Variants in IMMP2L observed in about 807,000 individuals in gnomAD.
IMMP2L encodes mitochondrial inner membrane protease subunit 2.
Under a neutral mutation model 19.3 loss-of-function variants are expected in IMMP2L, and 18 were observed. The ratio of observed to expected loss-of-function variants is 0.93; its 90% confidence interval spans 0.64 to 1.38. IMMP2L has a LOEUF of 1.38. IMMP2L is among the 40% of genes most tolerant of loss of function. The probability of loss-of-function intolerance (pLI) is 0.00; values close to 1 mark genes in which losing one functional copy is unlikely to be tolerated. For synonymous variants in IMMP2L, 76 were observed against 73.0 expected, an observed-to-expected ratio of 1.04 and a Z score of -0.21; for missense variants, 233 against 218.2, an observed-to-expected ratio of 1.07 and a Z score of -0.43.
intron 3 of IMMP2L, among the ~76,000 whole-genome samples, chr7:111,467,304 C>T (rs1178897943): frequency 1.3e-5 from 2 of 152,118 alleles, no homozygotes; most frequent in African/African-American, 2.4e-5. Context: ...GTATTTAGAA[C>T]AATTCCTGAC....
intron 3 of IMMP2L, among the ~76,000 whole-genome samples, chr7:111,316,285 T>C (rs1271367822): frequency 3.3e-5 from 5 of 151,964 alleles, no homozygotes. Context: ...GGATGTTAGA[T>C]GTATTCAAAG....
intron 3 of IMMP2L, among the ~76,000 whole-genome samples, chr7:111,461,729 T>C (rs777856185): frequency 5.9e-5 from 9 of 152,088 alleles, no homozygotes; most frequent in Non-Finnish European, 7.4e-5. Context: ...TGTAGAATAA[T>C]AGTTGGATAA....
intron 3 of IMMP2L, among the ~76,000 whole-genome samples, chr7:111,234,747 G>A (rs1300374335): frequency 6.6e-6 from 1 of 151,776 alleles, no homozygotes; most frequent in Non-Finnish European, 1.5e-5. Flanking sequence ...TTTAGTGGTT[G>A]GTTCACAGTT....
intron 3 of IMMP2L, among the ~76,000 whole-genome samples, chr7:111,385,356 G>C (rs1459297969): frequency 6.6e-6 from 1 of 152,120 alleles, no homozygotes; most frequent in Non-Finnish European, 1.5e-5. Context: ...AAAAGATGCT[G>C]ACATTCAGGA....
At chr7:111,020,946 T>A (rs1826214147) in intron 3 of IMMP2L, among the ~76,000 whole-genome samples, 1 of 152,228 alleles carries the variant, frequency 6.6e-6, no homozygotes, top group Non-Finnish European at 1.5e-5. Context: ...CATGAGGTAT[T>A]TCTTAAATTC....
At chr7:111,177,351 A>T (rs1252929964) in intron 3 of IMMP2L, among the ~76,000 whole-genome samples, 4 of 151,838 alleles carry the variant, frequency 2.6e-5, no homozygotes, top group Non-Finnish European at 4.4e-5. Context: ...CTAATTTTTT[A>T]AATTTTTTCT....
intron 3 of IMMP2L, chr7:111,100,104 T>C (rs959744568): frequency 7.3e-5 from 11 of 151,668 alleles, no homozygotes; most frequent in African/African-American, 2.7e-4. Flanking sequence ...AAGCCCATGT[T>C]ATGGTGTCTT....
intron 3 of IMMP2L, among the ~76,000 whole-genome samples, chr7:111,159,141 A>G (rs1256189886): frequency 6.6e-6 from 1 of 152,120 alleles, no homozygotes; most frequent in Non-Finnish European, 1.5e-5. Flanking sequence ...TTAGAGACGG[A>G]GTCTCGCTCT....
intron 2 of IMMP2L, among the ~76,000 whole-genome samples, chr7:111,516,565 C>A (rs541995779): frequency 6.6e-6 from 1 of 152,026 alleles, no homozygotes; most frequent in South Asian, 2.1e-4. Context: ...ACAGATATAA[C>A]CCTGGCTATA....
chr7:111,228,832 T>G (rs1813392440), intron 3 of IMMP2L, among the ~76,000 whole-genome samples: 1 of 152,012 alleles, frequency 6.6e-6, no homozygotes, highest in Non-Finnish European at 1.5e-5. Context: ...GTGAAAGGTA[T>G]TTTACAATGT....
intron 3 of IMMP2L, among the ~76,000 whole-genome samples, chr7:111,260,206 T>C (rs1038515753): frequency 6.6e-6 from 1 of 152,136 alleles, no homozygotes; most frequent in East Asian, 1.9e-4. Flanking sequence ...GGCTAGACTT[T>C]TATACAACTG....
At chr7:111,267,162 G>C (rs1314804391) in intron 3 of IMMP2L, among the ~76,000 whole-genome samples, 2 of 151,828 alleles carry the variant, frequency 1.3e-5, no homozygotes, top group African/African-American at 4.8e-5. Context: ...AATTTTTATA[G>C]AAACTTACCA....
chr7:110,754,096 C>G (rs938764637), intron 5 of IMMP2L, among the ~76,000 whole-genome samples: 2 of 151,916 alleles, frequency 1.3e-5, no homozygotes, highest in African/African-American at 2.4e-5. Context: ...CAAGATTATA[C>G]ATTTCCATCA....
At chr7:111,221,004 C>T (rs1680623735) in intron 3 of IMMP2L, among the ~76,000 whole-genome samples, 1 of 152,042 alleles carries the variant, frequency 6.6e-6, no homozygotes, top group Admixed American at 6.6e-5. Flanking sequence ...ATTTTAAACG[C>T]TAATCTCTTC....
intron 3 of IMMP2L, among the ~76,000 whole-genome samples, chr7:111,333,794 C>A (rs1006164776): frequency 2.0e-5 from 3 of 152,126 alleles, no homozygotes; most frequent in Non-Finnish European, 2.9e-5. Flanking sequence ...GAACATTGGA[C>A]TCCAAGTTCT....
At chr7:111,302,580 A>G (rs1822387477) in intron 3 of IMMP2L, among the ~76,000 whole-genome samples, 2 of 152,238 alleles carry the variant, frequency 1.3e-5, no homozygotes, top group East Asian at 1.9e-4. Context: ...TACTGTTCCC[A>G]TTATATAAAT....
At chr7:110,860,390 T>C (rs963258935) in intron 5 of IMMP2L, among the ~76,000 whole-genome samples, 6 of 152,044 alleles carry the variant, frequency 3.9e-5, no homozygotes, top group African/African-American at 1.4e-4. Flanking sequence ...CCCTTAAGAT[T>C]ACTTAAAAGG....
At chr7:111,282,191 C>T (rs922965347) in intron 3 of IMMP2L, among the ~76,000 whole-genome samples, 6 of 152,122 alleles carry the variant, frequency 3.9e-5, no homozygotes, top group Non-Finnish European at 8.8e-5. Context: ...TAGAAAGAAG[C>T]GTGACAGATC....
At chr7:110,707,038 G>A (rs1444961063) in intron 5 of IMMP2L, among the ~76,000 whole-genome samples, 1 of 110,310 alleles carries the variant, frequency 9.1e-6, no homozygotes, top group Non-Finnish European at 1.9e-5. Context: ...AAGTTTTAGG[G>A]TACATGTGCA....
Sources: allele counts gnomAD v4.1 joint callset (sites outside exome capture counted in the v4.1 genomes callset), GRCh38; gene constraint gnomAD v4.1.1; transcripts MANE v1.5; gene names NCBI Gene and HGNC (gene_info 2026-07-23, HGNC 2026-07-21).